The following RAPGEF4 variants were observed in gnomAD, a reference collection of about 807,000 sequenced individuals.
The protein encoded by RAPGEF4 is RAP guanine-nucleotide-exchange factor (GEF) 4.
A neutral mutation model predicts 147.9 loss-of-function variants in RAPGEF4; 66 were observed. The observed-to-expected ratio is 0.45, with a 90% CI of 0.37 to 0.55. RAPGEF4 has a LOEUF of 0.55. Ranked by LOEUF, RAPGEF4 falls within the 20% of genes least tolerant of loss-of-function variation. RAPGEF4 has a pLI of 0.00. For synonymous variants in RAPGEF4, 419 were observed against 442.7 expected (o/e 0.95, Z 0.67); for missense variants, 1,071 against 1,257.3 (o/e 0.85, Z 2.24).
intron 3 of RAPGEF4, among the ~76,000 whole-genome samples, chr2:172,801,714 G>T (rs1397448770): frequency 6.6e-6 from 1 of 152,136 alleles, no homozygotes; most frequent in Non-Finnish European, 1.5e-5. Flanking sequence ...CTTGCCCATT[G>T]TGGTTGTATA....
chr2:172,895,322 A>G (rs1210997493), intron 4 of RAPGEF4, among the ~76,000 whole-genome samples: 1 of 152,156 alleles, frequency 6.6e-6, no homozygotes, highest in Non-Finnish European at 1.5e-5. Context: ...GGAACTTGTC[A>G]TTGGTAACTG....
At chr2:173,024,246 C>G in intron 23 of RAPGEF4, among the ~76,000 whole-genome samples, 1 of 132,590 alleles carries the variant, frequency 7.5e-6, no homozygotes, top group African/African-American at 2.7e-5. Context: ...GAGACGGAGT[C>G]TCGCTCTGTC....
intron 3 of RAPGEF4, among the ~76,000 whole-genome samples, chr2:172,808,350 G>A (rs1350803935): frequency 6.6e-6 from 1 of 152,166 alleles, no homozygotes; most frequent in Non-Finnish European, 1.5e-5. Context: ...TTTGTCAGAA[G>A]GGTTCCTTTG....
intron 1 of RAPGEF4, among the ~76,000 whole-genome samples, chr2:172,772,064 C>A (rs891686067): frequency 3.3e-5 from 5 of 152,048 alleles, no homozygotes; most frequent in African/African-American, 1.2e-4. Context: ...CATGGTGAAA[C>A]CCTGTCTCTA....
chr2:172,753,233 G>A (rs1574702453), intron 1 of RAPGEF4, among the ~76,000 whole-genome samples: 1 of 152,076 alleles, frequency 6.6e-6, no homozygotes, highest in African/African-American at 2.4e-5. Context: ...ATTTTAAAAT[G>A]TATATATGAT....
chr2:172,888,693 C>T (rs926638577), intron 4 of RAPGEF4, among the ~76,000 whole-genome samples: 2 of 152,116 alleles, frequency 1.3e-5, no homozygotes, highest in African/African-American at 4.8e-5. Context: ...GCTTTGAATC[C>T]ATAATGGCCT....
chr2:173,030,064 C>G, intron 25 of RAPGEF4, 100 bp from the exon 26 acceptor site: 3 of 759,580 alleles, frequency 3.9e-6, no homozygotes, highest in South Asian at 3.2e-5. Flanking sequence ...CATAAATGAG[C>G]CCTGACAAAT....
At chr2:172,978,889 C>T (rs1691383164) in intron 10 of RAPGEF4, among the ~76,000 whole-genome samples, 1 of 152,148 alleles carries the variant, frequency 6.6e-6, no homozygotes, top group South Asian at 2.1e-4. Flanking sequence ...TTCTGCCAAA[C>T]CTTTAGCATG....
chr2:173,050,669 A>AT (rs999616499), intron 30 of RAPGEF4, among the ~76,000 whole-genome samples: 4 of 140,378 alleles, frequency 2.8e-5, no homozygotes, highest in African/African-American at 5.4e-5. Context: ...TAAAGAGAGC[A>AT]TTTTTTTCCC....
At chr2:172,967,052 G>A (rs551154611) in intron 9 of RAPGEF4, 127 of 472,848 alleles carry the variant, frequency 2.7e-4, no homozygotes, top group African/African-American at 2.2e-3. Flanking sequence ...AGATGGGTGG[G>A]TCAGAGAGGG....
intron 8 of RAPGEF4, among the ~76,000 whole-genome samples, chr2:172,964,826 G>A (rs1689662693): frequency 6.6e-6 from 1 of 152,172 alleles, no homozygotes; most frequent in South Asian, 2.1e-4. Context: ...AAATATGTGA[G>A]TGTATATACT....
chr2:172,895,215 C>T (rs764413885), intron 4 of RAPGEF4, among the ~76,000 whole-genome samples: 58 of 152,112 alleles, frequency 3.8e-4, no homozygotes, highest in Admixed American at 3.5e-3. Flanking sequence ...TCCTTGATTC[C>T]GTGTCCTGTT....
At chr2:173,009,614 C>T (rs1167969203) in intron 17 of RAPGEF4, among the ~76,000 whole-genome samples, 1 of 152,058 alleles carries the variant, frequency 6.6e-6, no homozygotes, top group African/African-American at 2.4e-5. Context: ...AATCCAAAAC[C>T]ACTTCTGGTC....
intron 1 of RAPGEF4, chr2:172,744,474 A>G (rs1002931944): frequency 1.5e-5 from 7 of 453,200 alleles, no homozygotes; most frequent in African/African-American, 1.4e-4. Context: ...GAGAAAATGT[A>G]GTGTAGAGGT....
At chr2:172,776,164 A>G (rs1684140623) in intron 1 of RAPGEF4, among the ~76,000 whole-genome samples, 1 of 152,236 alleles carries the variant, frequency 6.6e-6, no homozygotes. Flanking sequence ...AAATCTGGAT[A>G]GAATCTCAGA....
chr2:172,813,257 T>C (rs916751668), intron 3 of RAPGEF4, among the ~76,000 whole-genome samples: 4 of 152,222 alleles, frequency 2.6e-5, no homozygotes, highest in Non-Finnish European at 5.9e-5. Context: ...ATTACCCTTG[T>C]GTGTCTCCCT....
Position 172,795,008 on chromosome 2 carries a change from CT to C in RAPGEF4, c.66-13del. Reference sequence around the variant, plus strand: ...ATCTTTACTGACATAGCTTTTGTGCCTTTTCTCCCTATACAGACCACTGGAG... The same window carrying C: ...ATCTTTACTGACATAGCTTTTGTGCCTTTCTCCCTATACAGACCACTGGAG... On this transcript the variant is annotated splice_polypyrimidine_tract_variant and intron_variant, in intron 1 of 30. Coordinates refer to ENST00000397081, the MANE Select transcript of RAPGEF4 (RefSeq NM_007023.4). The C allele has an allele frequency of 6.3e-7, 1 of 1,586,600 alleles. No homozygotes were observed. Among genetic ancestry groups the C allele is most frequent in the Non-Finnish European group, 8.6e-7 (1 of 1,165,034 alleles).
intron 1 of RAPGEF4, among the ~76,000 whole-genome samples, chr2:172,774,524 T>C (rs914663674): frequency 2.0e-5 from 3 of 152,236 alleles, no homozygotes; most frequent in Admixed American, 6.5e-5. Flanking sequence ...AACCTCTGTT[T>C]GTACTTTTGC....
At chr2:172,984,736 T>A (rs1168620481) in intron 11 of RAPGEF4, among the ~76,000 whole-genome samples, 1 of 152,118 alleles carries the variant, frequency 6.6e-6, no homozygotes, top group Admixed American at 6.5e-5. Flanking sequence ...CCCCTTTCCC[T>A]GCCTGTGCTC....
Sources: gnomAD v4.1 joint callset for allele counts (sites outside exome capture counted in the v4.1 genomes callset) on GRCh38, gnomAD v4.1.1 for gene constraint, MANE v1.5 for transcripts, NCBI Gene and HGNC (gene_info 2026-07-23, HGNC 2026-07-21) for gene names.